ESF1: variants seen among roughly 807,000 people sequenced by gnomAD.
ESF1 encodes ESF1 nucleolar pre-rRNA processing protein.
ESF1 carries 58 observed loss-of-function variants against 92.0 expected under a neutral mutation model. The observed-to-expected ratio is 0.63, with a 90% CI of 0.51 to 0.78. ESF1 has a LOEUF of 0.78. Among genes scored for constraint, ESF1 ranks in the 30% least tolerant of loss-of-function variants. The pLI is 0.00. For missense variants in ESF1, 922 were observed against 989.1 expected (o/e 0.93, Z 0.91); for synonymous variants, 321 against 313.7 (o/e 1.02, Z -0.24).
intron 9 of ESF1, among the ~76,000 whole-genome samples, chr20:13,739,147 C>T (rs2049994783): frequency 6.6e-6 from 1 of 152,096 alleles, no homozygotes; most frequent in Non-Finnish European, 1.5e-5. Context: ...AGTGAAGCAT[C>T]CATAGAAAAT....
chr20:13,731,036 T>C, intron 10 of ESF1, among the ~76,000 whole-genome samples: 1 of 152,144 alleles, frequency 6.6e-6, no homozygotes. Context: ...CTGTAGGGTC[T>C]AGAACACCCT....
intron 4 of ESF1, 73 bp downstream of exon 4, chr20:13,775,082 CAA>C (rs67609153): frequency 0.2 from 144,859 of 716,778 alleles, 307 homozygotes; most frequent in South Asian, 0.32. Context: ...AAACTATGGC[CAA>C]AAAAAAAAAA....
At chr20:13,778,207 T>G (rs1284371394) in intron 2 of ESF1, among the ~76,000 whole-genome samples, 3 of 152,180 alleles carry the variant, frequency 2.0e-5, no homozygotes, top group Admixed American at 2.0e-4. Flanking sequence ...AATGGGCTTT[T>G]ATGTTACCAC....
intron 2 of ESF1, among the ~76,000 whole-genome samples, chr20:13,780,398 T>C (rs1355390493): frequency 1.3e-5 from 2 of 152,226 alleles, no homozygotes; most frequent in Non-Finnish European, 2.9e-5. Context: ...AAATCAACTT[T>C]GCTGCCGGTC....
intron 13 of ESF1, among the ~76,000 whole-genome samples, chr20:13,715,911 GA>G (rs1273651694): frequency 1.3e-5 from 2 of 151,948 alleles, no homozygotes; most frequent in African/African-American, 2.4e-5. Flanking sequence ...CCAGAACAAG[GA>G]AAAAAATCCT....
At chr20:13,735,435 T>C (rs537267188) in intron 9 of ESF1, among the ~76,000 whole-genome samples, 1 of 152,242 alleles carries the variant, frequency 6.6e-6, no homozygotes, top group South Asian at 2.1e-4. Flanking sequence ...AAAAACATAA[T>C]TCATTTAGTA....
At chr20:13,767,375 G>T (rs1345243624) in intron 7 of ESF1, among the ~76,000 whole-genome samples, 1 of 151,958 alleles carries the variant, frequency 6.6e-6, no homozygotes, top group Non-Finnish European at 1.5e-5. Context: ...TGAAAAATTA[G>T]CTGGGCGTGG....
intron 4 of ESF1, among the ~76,000 whole-genome samples, chr20:13,772,895 C>T (rs1260541036): frequency 2.6e-5 from 4 of 151,756 alleles, no homozygotes; most frequent in East Asian, 1.9e-4. Flanking sequence ...GAGATCCAAA[C>T]GAAAAATTAA....
At chr20:13,780,213 T>G (rs564731873) in intron 2 of ESF1, among the ~76,000 whole-genome samples, 1 of 152,362 alleles carries the variant, frequency 6.6e-6, no homozygotes, top group East Asian at 1.9e-4. Context: ...TAAGTCACTT[T>G]AATCTTGTTC....
At chr20:13,779,491 T>C (rs1980086237) in intron 2 of ESF1, among the ~76,000 whole-genome samples, 1 of 152,340 alleles carries the variant, frequency 6.6e-6, no homozygotes. Context: ...CACAGATGTT[T>C]GCATATATTT....
chr20:13,766,303 G>T (rs755913093), intron 8 of ESF1, among the ~76,000 whole-genome samples: 7 of 151,926 alleles, frequency 4.6e-5, no homozygotes, highest in African/African-American at 9.7e-5. Flanking sequence ...CAAACAAAAA[G>T]AAATCTACTC....
At chr20:13,729,971 T>A (rs1191026271) in intron 10 of ESF1, among the ~76,000 whole-genome samples, 2 of 152,340 alleles carry the variant, frequency 1.3e-5, no homozygotes, top group East Asian at 3.9e-4. Flanking sequence ...AACAAAAATA[T>A]TTAGAATGCC....
intron 9 of ESF1, among the ~76,000 whole-genome samples, chr20:13,748,590 ATATTTTT>A (rs1259883461): frequency 4.0e-4 from 36 of 90,616 alleles, no homozygotes; most frequent in Admixed American, 1.3e-3. Context: ...ATATATATAT[ATATTTTT>A]TTTTTTTTGA....
intron 13 of ESF1, among the ~76,000 whole-genome samples, chr20:13,716,797 T>G: frequency 7.8e-6 from 1 of 128,606 alleles, no homozygotes; most frequent in Non-Finnish European, 1.6e-5. Context: ...TGCGCCACTA[T>G]ACCTGGATTT....
chr20:13,777,223 G>A (rs1022857768), intron 2 of ESF1, among the ~76,000 whole-genome samples: 3 of 152,202 alleles, frequency 2.0e-5, no homozygotes. Flanking sequence ...GATGTACATG[G>A]ATTTCAGAGT....
intron 9 of ESF1, among the ~76,000 whole-genome samples, chr20:13,738,487 T>C (rs978507489): frequency 2.0e-5 from 3 of 152,118 alleles, no homozygotes; most frequent in African/African-American, 4.8e-5. Flanking sequence ...TAATTTATTT[T>C]ACTTTTTATA....
intron 3 of ESF1, 148 bp downstream of exon 3, chr20:13,775,722 TATA>T (rs1979900447): frequency 2.3e-6 from 2 of 883,318 alleles, no homozygotes; most frequent in African/African-American, 3.4e-5. Context: ...TTCTAGTTCA[TATA>T]ATTATATTCC....
chr20:13,717,314 T>A (rs974709002), intron 13 of ESF1, 54 bp downstream of exon 13: 2 of 1,596,922 alleles, frequency 1.3e-6, no homozygotes, highest in African/African-American at 2.7e-5. Flanking sequence ...TCTGCAGAGC[T>A]GACTTTAGAT....
chr20:13,776,295 A>C, intron 2 of ESF1, 25 bp from the exon 3 acceptor site: 1 of 1,573,742 alleles, frequency 6.4e-7, no homozygotes, highest in Non-Finnish European at 8.6e-7. Context: ...AGGGGAAAGA[A>C]ATTAAGAAAA....
Sources: gnomAD v4.1 joint callset for allele counts (sites outside exome capture counted in the v4.1 genomes callset) on GRCh38, gnomAD v4.1.1 for gene constraint, MANE v1.5 for transcripts, NCBI Gene and HGNC (gene_info 2026-07-23, HGNC 2026-07-21) for gene names.